Variants in DYM observed in about 807,000 individuals in gnomAD.
DYM encodes dyggve-Melchior-Clausen syndrome protein.
A neutral mutation model predicts 93.1 loss-of-function variants in DYM; 78 were observed. The observed-to-expected ratio is 0.84, with a 90% CI of 0.70 to 1.01. The LOEUF (loss-of-function observed/expected upper bound fraction) is 1.01, where lower values mean the gene tolerates loss of function less well. DYM is among the 50% of genes least tolerant of loss of function. DYM has a pLI of 0.00. For synonymous variants in DYM, 321 were observed against 319.7 expected, an observed-to-expected ratio of 1.00 and a Z score of -0.04; for missense variants, 789 against 845.0, an observed-to-expected ratio of 0.93 and a Z score of 0.82.
chr18:49,159,502 A>G (rs1432185874), intron 15 of DYM, among the ~76,000 whole-genome samples: 2 of 152,360 alleles, frequency 1.3e-5, no homozygotes, highest in Admixed American at 1.3e-4. Context: ...AGAATTCCAT[A>G]TAGAATGATA....
intron 6 of DYM, among the ~76,000 whole-genome samples, chr18:49,356,765 T>C (rs1302691615): frequency 2.0e-5 from 3 of 152,182 alleles, no homozygotes; most frequent in African/African-American, 7.2e-5. Context: ...ATTTCCACAG[T>C]AGAACATCTA....
intron 8 of DYM, among the ~76,000 whole-genome samples, chr18:49,294,196 C>T (rs1417104464): frequency 1.4e-5 from 2 of 140,706 alleles, no homozygotes; most frequent in African/African-American, 2.5e-5. Context: ...GGTACCAGTA[C>T]CATGCTGTTT....
intron 17 of DYM, among the ~76,000 whole-genome samples, chr18:49,067,167 A>G (rs200511672): frequency 1.4e-4 from 11 of 77,238 alleles, no homozygotes; most frequent in South Asian, 4.5e-4. Context: ...GGGTGATGTG[A>G]GCACTATGGA....
chr18:49,432,687 T>C (rs990156991), intron 1 of DYM, among the ~76,000 whole-genome samples: 3 of 150,654 alleles, frequency 2.0e-5, no homozygotes, highest in Non-Finnish European at 4.4e-5. Flanking sequence ...TTATAGCTCA[T>C]TGTAACCTCA....
intron 11 of DYM, among the ~76,000 whole-genome samples, chr18:49,258,776 T>G (rs2094435066): frequency 2.1e-5 from 2 of 94,280 alleles, no homozygotes; most frequent in African/African-American, 4.8e-5. Flanking sequence ...AACCTAGGGA[T>G]CATAGACACA....
intron 1 of DYM, among the ~76,000 whole-genome samples, chr18:49,455,024 C>T (rs1026469496): frequency 6.6e-6 from 1 of 151,538 alleles, no homozygotes; most frequent in Non-Finnish European, 1.5e-5. Context: ...ATTAGACTTT[C>T]CACTCCTTAA....
intron 10 of DYM, 71 bp from the exon 11 acceptor site, chr18:49,272,374 C>T (rs1028892646): frequency 3.7e-6 from 4 of 1,081,078 alleles, no homozygotes; most frequent in African/African-American, 3.2e-5. Flanking sequence ...AATCTTTACA[C>T]TTTCATTTTG....
At chr18:49,216,802 GA>G (rs1820138533) in intron 13 of DYM, among the ~76,000 whole-genome samples, 1 of 152,088 alleles carries the variant, frequency 6.6e-6, no homozygotes, top group African/African-American at 2.4e-5. Flanking sequence ...CAAAGATGGG[GA>G]AAAAACAGAG....
At chr18:49,318,461 A>C (rs1354494537) in intron 8 of DYM, among the ~76,000 whole-genome samples, 2 of 152,054 alleles carry the variant, frequency 1.3e-5, no homozygotes, top group African/African-American at 4.8e-5. Flanking sequence ...CTACTAAAAA[A>C]AATTACAAAA....
At chr18:49,090,320 A>G (rs752131836) in intron 17 of DYM, among the ~76,000 whole-genome samples, 20 of 152,264 alleles carry the variant, frequency 1.3e-4, no homozygotes, top group Non-Finnish European at 1.9e-4. Context: ...ATAGAAGCCC[A>G]GCACAGAGCT....
At chr18:49,382,238 A>G (rs779023236) in intron 3 of DYM, among the ~76,000 whole-genome samples, 6 of 152,320 alleles carry the variant, frequency 3.9e-5, no homozygotes, top group Non-Finnish European at 7.4e-5. Context: ...GATTCACTCA[A>G]TCAGCGTGTA....
chr18:49,219,181 A>G (rs999000878), intron 13 of DYM, among the ~76,000 whole-genome samples: 1 of 152,208 alleles, frequency 6.6e-6, no homozygotes, highest in African/African-American at 2.4e-5. Flanking sequence ...TCCTCGACAC[A>G]TACACCCTCC....
rs1229572932 is a variant in DYM at position 49,331,929 on chromosome 18, G to T, written c.698C>A (p.Ala233Asp). The change falls in exon 8 of 18, where the codon GCC becomes GAC. Residue 233 changes from alanine (A) to aspartate (D), a missense_variant. This residue lies in a region of DYM where 450 missense variants were observed against 436.2 expected (regional missense o/e 1.03). Coordinates refer to ENST00000675505, the MANE Select transcript of DYM (RefSeq NM_001353214.3). ...ATCCGACTGCTGAGGGAAAACATGG[G>T]CCCCTGGAGGAGGTGGCTTTTCTTG... Reference protein sequence around the residue: ...IRQEKPPPPGAHVFPQQSDGG... With the variant: ...IRQEKPPPPGDHVFPQQSDGG... 7 of 1,613,926 alleles carry T rather than the reference G, an allele frequency of 4.3e-6. No homozygotes were observed. Among genetic ancestry groups the T allele is most frequent in the Admixed American group, 1.7e-5 (1 of 59,990 alleles).
At chr18:49,206,018 G>GTTTTTTTTTTTTTT in intron 14 of DYM, 2 of 95,114 alleles carry the variant, frequency 2.1e-5, no homozygotes, top group East Asian at 2.3e-4. Context: ...TTTGTTTTTT[G>GTTTTTTTTTTTTTT]CGGAGTCTTG....
chr18:49,127,709 A>G (rs192011056), intron 15 of DYM, among the ~76,000 whole-genome samples: 242 of 152,354 alleles, frequency 1.6e-3, no homozygotes, highest in Non-Finnish European at 3.0e-3. Flanking sequence ...TACGTTGCTA[A>G]TTCACTGGTG....
intron 1 of DYM, among the ~76,000 whole-genome samples, chr18:49,446,466 A>G (rs2082100483): frequency 6.6e-6 from 1 of 152,232 alleles, no homozygotes; most frequent in Non-Finnish European, 1.5e-5. Flanking sequence ...CTATTTCATA[A>G]TCAATGATTC....
At chr18:49,457,127 A>G (rs1408982520) in intron 1 of DYM, among the ~76,000 whole-genome samples, 4 of 152,236 alleles carry the variant, frequency 2.6e-5, no homozygotes, top group African/African-American at 9.6e-5. Context: ...GTCACAGAAG[A>G]ACCTGAGAAG....
intron 8 of DYM, among the ~76,000 whole-genome samples, chr18:49,308,287 T>A (rs1366830396): frequency 4.8e-5 from 5 of 104,772 alleles, no homozygotes; most frequent in African/African-American, 1.7e-4. Flanking sequence ...CACACTTGTG[T>A]GTGTATATAT....
chr18:49,344,045 G>T (rs1265080646), intron 6 of DYM, among the ~76,000 whole-genome samples: 1 of 151,582 alleles, frequency 6.6e-6, no homozygotes, highest in African/African-American at 2.4e-5. Context: ...TTTGAAACAA[G>T]ACTTACTCAA....
Sources: allele counts gnomAD v4.1 joint callset (sites outside exome capture counted in the v4.1 genomes callset), GRCh38; gene constraint gnomAD v4.1.1; regional missense constraint gnomAD v4.1.1; transcripts MANE v1.5; gene names NCBI Gene and HGNC (gene_info 2026-07-23, HGNC 2026-07-21).